SMYD1: variants seen among roughly 807,000 people sequenced by gnomAD.
SMYD1 encodes the protein histone-lysine N-methyltransferase SMYD1.
A neutral mutation model predicts 54.0 loss-of-function variants in SMYD1; 49 were observed. The observed-to-expected ratio is 0.91, with a 90% confidence interval of 0.72 to 1.15. The LOEUF (loss-of-function observed/expected upper bound fraction) is 1.15. Among genes scored for constraint, SMYD1 ranks in the 50% most tolerant of loss-of-function variants. The pLI, the probability that SMYD1 is intolerant of heterozygous loss-of-function variation, is 0.00. For synonymous variants in SMYD1, 269 were observed against 234.2 expected (o/e 1.15, Z -1.36); for missense variants, 653 against 639.6 (o/e 1.02, Z -0.23).
rs143126793 is a variant in SMYD1 at position 88,078,837 on chromosome 2, C to T, written c.138-5479C>T. On this transcript the variant is annotated intron_variant, in intron 1 of 9. Coordinates refer to ENST00000419482, the MANE Select transcript of SMYD1 (RefSeq NM_198274.4). The stretch of plus-strand genomic sequence containing the variant: ...CTTGCAGCTAAGCCCTACCAGCAGC[C>T]GAGGGCATAGAGAGAAGCTCAGCTT... Among the ~76,000 whole-genome samples, 715 of 152,326 alleles carry T rather than the reference C, an allele frequency of 4.7e-3. 5 individuals carry two copies. Among genetic ancestry groups the T allele is most frequent in the African/African-American group, 0.016 (682 of 41,574 alleles).
chr2:88,098,382 G>T (rs1674649627), intron 6 of SMYD1, among the ~76,000 whole-genome samples: 2 of 152,040 alleles, frequency 1.3e-5, no homozygotes, highest in African/African-American at 4.8e-5. Flanking sequence ...TTACCAGCTG[G>T]TGACAATACA....
In SMYD1 at chr2:88,097,757, T is replaced by C. The variant is rs181163960; in HGVS notation, c.888+973T>C. On this transcript the variant is annotated intron_variant, in intron 6 of 9. Transcript: ENST00000419482. ...ACATATGAATTTTGGGAGGATACAATTTAACCCCTAACACTGTGTGTGCTA... is the reference window on the plus strand; with the variant it reads ...ACATATGAATTTTGGGAGGATACAACTTAACCCCTAACACTGTGTGTGCTA... Among the ~76,000 whole-genome samples the C allele has an allele frequency of 1.2e-3, 176 of 152,222 alleles. 1 individual carries two copies. Among genetic ancestry groups the C allele is most frequent in the South Asian group, 1.5e-3 (7 of 4,818 alleles).
chr2:88,078,904 C>T (rs1221676096), intron 1 of SMYD1, among the ~76,000 whole-genome samples: 3 of 152,252 alleles, frequency 2.0e-5, no homozygotes, highest in African/African-American at 7.2e-5. Flanking sequence ...TAACTTAATG[C>T]TTCCTGGGTT....
intron 2 of SMYD1, among the ~76,000 whole-genome samples, chr2:88,086,431 A>C (rs1674326989): frequency 6.6e-6 from 1 of 152,162 alleles, no homozygotes; most frequent in Admixed American, 6.5e-5. Context: ...AAGCTTCATC[A>C]CAGGCCACCT....
chr2:88,101,895 C>G (rs952413259), intron 6 of SMYD1, among the ~76,000 whole-genome samples: 11 of 152,196 alleles, frequency 7.2e-5, no homozygotes, highest in Admixed American at 2.6e-4. Flanking sequence ...CGTGAGCCAT[C>G]GTGCTGGGCT....
At chr2:88,097,605 A>ACGCT (rs1399993558) in intron 6 of SMYD1, among the ~76,000 whole-genome samples, 2 of 152,090 alleles carry the variant, frequency 1.3e-5, no homozygotes, top group Non-Finnish European at 1.5e-5. Flanking sequence ...TTTTATAAGG[A>ACGCT]CGCTAGTCCT....
chr2:88,073,057 C>G (rs1203479170), intron 1 of SMYD1, among the ~76,000 whole-genome samples: 1 of 152,172 alleles, frequency 6.6e-6, no homozygotes, highest in Non-Finnish European at 1.5e-5. Flanking sequence ...TCTTCACCCT[C>G]TCCCTCCCTC....
intron 1 of SMYD1, among the ~76,000 whole-genome samples, chr2:88,073,870 ATTG>A (rs1283506935): frequency 6.6e-6 from 1 of 152,100 alleles, no homozygotes; most frequent in Non-Finnish European, 1.5e-5. Context: ...TCTTTTATGA[ATTG>A]TTGTTTTCTT....
chr2:88,104,530 C>T (rs1674813339), intron 7 of SMYD1, among the ~76,000 whole-genome samples: 1 of 152,182 alleles, frequency 6.6e-6, no homozygotes, highest in Non-Finnish European at 1.5e-5. Flanking sequence ...GTTTCTTCTC[C>T]TTCTCCATTC....
Position 88,110,234 on chromosome 2 carries a change from T to TGTGTGTGG in SMYD1, c.1315-120_1315-119insGTGTGTGG, listed in dbSNP as rs35206605. 291 of 1,021,406 alleles carry TGTGTGTGG rather than the reference T, an allele frequency of 2.8e-4. 7 individuals carry two copies. The African/African-American group carries it at 3.6e-3, about 13-fold the overall frequency. 63.3% of individuals were successfully genotyped at this position (1,021,406 alleles called of 1,614,324 possible). A position where few individuals can be genotyped will look rare whatever the true frequency, so the allele number is the denominator to read the frequency against. On this transcript the variant is annotated intron_variant, in intron 9 of 9. Transcript: ENST00000419482. ...GTGTGTGTGTGTGTGTGTGTGTGTG[T>TGTGTGTGG]ATTCTGAGGGGGTAGAGTTGAATCT...
chr2:88,103,244 G>A (rs1674767691), intron 7 of SMYD1, 94 bp downstream of exon 7: 2 of 911,914 alleles, frequency 2.2e-6, no homozygotes, highest in Admixed American at 4.1e-5. Flanking sequence ...CGGGCGGCGG[G>A]GGAGGGGGGC....
chr2:88,077,722 CTTT>C (rs1168525311), intron 1 of SMYD1, among the ~76,000 whole-genome samples: 3 of 126,226 alleles, frequency 2.4e-5, no homozygotes, highest in Non-Finnish European at 3.4e-5. Flanking sequence ...GTGGGCATTT[CTTT>C]TTTTTTTTTT....
chr2:88,092,397 T>C (rs1157714565), intron 4 of SMYD1, among the ~76,000 whole-genome samples: 3 of 152,096 alleles, frequency 2.0e-5, no homozygotes, highest in African/African-American at 7.2e-5. Flanking sequence ...GCCCGAGCAA[T>C]ATTAATTGCT....
chr2:88,082,277 C>T (rs1291492532), intron 1 of SMYD1, among the ~76,000 whole-genome samples: 2 of 152,168 alleles, frequency 1.3e-5, no homozygotes, highest in Non-Finnish European at 2.9e-5. Flanking sequence ...TGAGGATAAC[C>T]TTGAATCTGC....
At chr2:88,078,205 G>A (rs1238252874) in intron 1 of SMYD1, among the ~76,000 whole-genome samples, 3 of 152,200 alleles carry the variant, frequency 2.0e-5, no homozygotes, top group Admixed American at 6.5e-5. Flanking sequence ...CCGGGCTGAT[G>A]TCCACTGAGT....
At chr2:88,101,241 A>G (rs1166734078) in intron 6 of SMYD1, among the ~76,000 whole-genome samples, 1 of 152,254 alleles carries the variant, frequency 6.6e-6, no homozygotes, top group Non-Finnish European at 1.5e-5. Context: ...TGGCTTCACA[A>G]AACAATGTAA....
chr2:88,093,431 C>G, intron 4 of SMYD1, 86 bp from the exon 5 acceptor site: 1 of 1,504,520 alleles, frequency 6.6e-7, no homozygotes. Flanking sequence ...ATACTGTGAC[C>G]CAGAATGCTG....
intron 7 of SMYD1, 80 bp from the exon 8 acceptor site, chr2:88,106,245 A>G (rs1674864556): frequency 6.5e-7 from 1 of 1,542,140 alleles, no homozygotes; most frequent in Admixed American, 1.8e-5. Flanking sequence ...ATTGTCTGGT[A>G]TCACCATGAT....
rs771099488 is a variant in SMYD1 at position 88,093,560 on chromosome 2, G to A, written c.698+5G>A. 2.5e-6 allele frequency: 4 copies of A among 1,614,088 alleles called. No individual in the cohort carries two copies. The highest frequency in any genetic ancestry group is 2.2e-5 in the South Asian group (2 of 91,068). ...CATGTTTCATACCCAGATGAGGTGG[G>A]TCAGTCCTTTCAAGCATCCCTGCTC... On this transcript the variant is annotated splice_donor_5th_base_variant and intron_variant, in intron 5 of 9. Transcript: ENST00000419482.
Sources: gnomAD v4.1 joint callset for allele counts (sites outside exome capture counted in the v4.1 genomes callset) on GRCh38, gnomAD v4.1.1 for gene constraint, MANE v1.5 for transcripts, NCBI Gene and HGNC (gene_info 2026-07-23, HGNC 2026-07-21) for gene names.